MX2: variants seen among roughly 807,000 people sequenced by gnomAD.
MX2 encodes the protein MX dynamin like GTPase 2.
A neutral mutation model predicts 74.0 loss-of-function variants in MX2; 51 were observed. The ratio of observed to expected loss-of-function variants is 0.69; its 90% CI spans 0.55 to 0.87. The LOEUF (loss-of-function observed/expected upper bound fraction) is 0.87. MX2 is among the 40% of genes least tolerant of loss of function. The pLI is 0.00. For synonymous variants in MX2, 369 were observed against 339.3 expected (o/e 1.09, Z -0.96); for missense variants, 832 against 908.7 (o/e 0.92, Z 1.09).
At chr21:41,401,733 G>A (rs2089816971) in intron 10 of MX2, 1 of 430,892 alleles carries the variant, frequency 2.3e-6, no homozygotes, top group African/African-American at 2.0e-5. Context: ...CTCTCTTGGG[G>A]TGATGACTTT....
intron 5 of MX2, 132 bp downstream of exon 5, chr21:41,382,696 C>T: frequency 8.4e-7 from 1 of 1,195,392 alleles, no homozygotes; most frequent in Non-Finnish European, 1.2e-6. Context: ...AAGACCTGCC[C>T]AGGTGGGGGC....
At position 41,402,143 on chromosome 21, in the gene MX2, G is replaced by A; in HGVS notation, c.1573+15G>A. ...GAAAGCCATGGGTGAGGACTTTCAA[G>A]CAGGACTCCCAAACCATCACTCTCA... On this transcript the variant is annotated intron_variant, in intron 11 of 13. Coordinates refer to ENST00000330714, the MANE Select transcript of MX2 (RefSeq NM_002463.2). The surrounding 1 kb of genome is among the most constrained non-coding windows in gnomAD (Gnocchi z 4.5). 1.2e-6 allele frequency: 2 copies of A among 1,608,490 alleles called. No individual in the cohort carries two copies. Among genetic ancestry groups the A allele is most frequent in the South Asian group, 1.1e-5 (1 of 90,278 alleles).
Position 41,408,248 on chromosome 21 carries a change from T to C in MX2, c.*15T>C. ...AGATCCACTGAAGGGCGGCGATGCC[T>C]GTGGTTGTTTTCTTGTGCGTACTCA... On this transcript the variant is annotated 3_prime_UTR_variant, in exon 14 of 14. Coordinates refer to ENST00000330714, the MANE Select transcript of MX2 (RefSeq NM_002463.2). 6.2e-7 allele frequency: 1 copy of C among 1,612,492 alleles called. No individual in the cohort carries two copies. Among genetic ancestry groups the C allele is most frequent in the East Asian group, 2.2e-5 (1 of 44,838 alleles).
chr21:41,370,893 T>C (rs1180561185), intron 1 of MX2, among the ~76,000 whole-genome samples: 2 of 152,134 alleles, frequency 1.3e-5, no homozygotes, highest in Admixed American at 6.5e-5. Flanking sequence ...TGGAATTCAG[T>C]AGGGGAATGC....
rs981961755 is a variant in MX2 at position 41,380,337 on chromosome 21, CTCA to C, written c.577+189_577+191del. Reference sequence around the variant, plus strand: ...CTCCAGGTCCTTGTCCAGGTCCCCTCTCATCGAGTCATCCCATGCCGAGGACCC... The same window carrying C: ...CTCCAGGTCCTTGTCCAGGTCCCCTCTCGAGTCATCCCATGCCGAGGACCC... On this transcript the variant is annotated intron_variant, in intron 4 of 13. Transcript: ENST00000330714. This position sits in a 1 kb window ranked among gnomAD's most constrained non-coding sequence, Gnocchi z 4.3. 2.0e-5 allele frequency among the ~76,000 whole-genome samples: 3 copies of C among 152,168 alleles called. No homozygotes were observed. The highest frequency in any genetic ancestry group is 7.2e-5 in the African/African-American group (3 of 41,436).
intron 10 of MX2, 197 bp from the exon 11 acceptor site, chr21:41,401,772 AT>A (rs202024229): frequency 2.0e-4 from 104 of 523,160 alleles, no homozygotes; most frequent in African/African-American, 5.4e-4. Context: ...ATAGAATAAG[AT>A]TTTTTTCCCC....
At chr21:41,384,715 A>T (rs1388693175) in intron 5 of MX2, among the ~76,000 whole-genome samples, 1 of 152,058 alleles carries the variant, frequency 6.6e-6, no homozygotes, top group African/African-American at 2.4e-5. Context: ...CAAGTGTTTT[A>T]TAAAAATTAA....
intron 1 of MX2, among the ~76,000 whole-genome samples, chr21:41,375,139 G>A (rs549954075): frequency 3.3e-5 from 5 of 152,264 alleles, no homozygotes; most frequent in East Asian, 3.9e-4. Flanking sequence ...CCTCCAGTGG[G>A]CACCCAAGTT....
chr21:41,377,933 A>G lies in MX2; in HGVS notation c.394A>G (p.Ser132Gly), dbSNP rs767222350. 3 of 1,614,198 alleles carry G rather than the reference A, an allele frequency of 1.9e-6. No homozygotes were observed. Among genetic ancestry groups the G allele is most frequent in the Non-Finnish European group, 1.7e-6 (2 of 1,180,044 alleles). Residue 132 changes from serine (S) to glycine (G), a missense_variant, in exon 3 of 14, where the codon AGC becomes GGC. By Grantham distance (56) the Ser-to-Gly change is moderately conservative. Transcript: ENST00000330714. ...CATCGGGGACCAGAGCTCGGGCAAGAGCTCTGTGCTGGAGGCACTGTCAGG... is the reference window on the plus strand; with the variant it reads ...CATCGGGGACCAGAGCTCGGGCAAGGGCTCTGTGCTGGAGGCACTGTCAGG... ...AVIGDQSSGK[S>G]SVLEALSGVA... is the part of the protein sequence containing the mutation.
At chr21:41,406,702 GA>G in intron 12 of MX2, 41 bp from the exon 13 acceptor site, 3 of 1,582,974 alleles carry the variant, frequency 1.9e-6, no homozygotes, top group Non-Finnish European at 2.6e-6. Context: ...CAACAGGAAA[GA>G]AGAAAAAGAA....
chr21:41,369,670 G>C (rs1035933204), intron 1 of MX2, among the ~76,000 whole-genome samples: 3 of 152,108 alleles, frequency 2.0e-5, no homozygotes, highest in Non-Finnish European at 4.4e-5. Flanking sequence ...GGACTCTGGT[G>C]CCCCTGGGGC....
In MX2 at chr21:41,408,305, G is replaced by A. The variant is rs1158357073; in HGVS notation, c.*72G>A. On this transcript the variant is annotated 3_prime_UTR_variant, in exon 14 of 14. Transcript: ENST00000330714. ...CTAAGGGGAGTCGGTGCAGGATGCC[G>A]CTTCTGCTTTGGGGCCAAACTCTTC... 1.3e-5 allele frequency: 21 copies of A among 1,565,890 alleles called. No individual in the cohort carries two copies. Among genetic ancestry groups the A allele is most frequent in the Admixed American group, 5.4e-5 (3 of 55,800 alleles).
At position 41,409,353 on chromosome 21, in the gene MX2, A is replaced by G. The variant is rs1259023445; in HGVS notation, c.*1120A>G. ...CATGTTTTCCTGTATGTTTCAAATGATGAACATATAGATTCCTTAATAAAA... is the reference window on the plus strand; with the variant it reads ...CATGTTTTCCTGTATGTTTCAAATGGTGAACATATAGATTCCTTAATAAAA... On this transcript the variant is annotated 3_prime_UTR_variant, in exon 14 of 14. Coordinates refer to ENST00000330714, the MANE Select transcript of MX2 (RefSeq NM_002463.2). The G allele has an allele frequency of 2.6e-5, 4 of 152,224 alleles. No individual in the cohort carries two copies. Among genetic ancestry groups the G allele is most frequent in the Non-Finnish European group, 5.9e-5 (4 of 68,040 alleles). The allele number at this position is 152,224 out of a possible 1,614,324, so 9.4% of individuals were successfully genotyped here. A position where few individuals can be genotyped will look rare whatever the true frequency, so the allele number is the denominator to read the frequency against.
At chr21:41,397,746 T>C (rs1186209322) in intron 8 of MX2, 55 bp downstream of exon 8, 1 of 1,510,560 alleles carries the variant, frequency 6.6e-7, no homozygotes, top group East Asian at 2.3e-5. Context: ...CAAGTCACTC[T>C]CTTGGTCTGG....
chr21:41,362,473 T>C (rs770392049), intron 1 of MX2, among the ~76,000 whole-genome samples: 2 of 152,124 alleles, frequency 1.3e-5, no homozygotes, highest in African/African-American at 4.8e-5. Context: ...TGTGATGCTC[T>C]GACGTAACCT....
intron 5 of MX2, among the ~76,000 whole-genome samples, chr21:41,384,185 A>G (rs775035024): frequency 9.2e-5 from 14 of 152,148 alleles, no homozygotes; most frequent in Non-Finnish European, 1.5e-4. Context: ...GAGGTCTCCT[A>G]GCCATGCTTC....
chr21:41,407,772 G>A (rs1427324989), intron 13 of MX2, among the ~76,000 whole-genome samples: 1 of 152,208 alleles, frequency 6.6e-6, no homozygotes, highest in East Asian at 1.9e-4. Flanking sequence ...CTACCAGGGG[G>A]CTTCTTAGTG....
At chr21:41,374,557 G>C (rs1018504571) in intron 1 of MX2, among the ~76,000 whole-genome samples, 1 of 152,256 alleles carries the variant, frequency 6.6e-6, no homozygotes, top group Non-Finnish European at 1.5e-5. Context: ...ATGGAAGCAT[G>C]TCCATCTGAG....
chr21:41,406,216 G>A (rs2089884632), intron 12 of MX2, among the ~76,000 whole-genome samples: 1 of 152,184 alleles, frequency 6.6e-6, no homozygotes, highest in Non-Finnish European at 1.5e-5. Flanking sequence ...TCGAGCTCCT[G>A]ACCTCAAGTG....
Sources: allele counts gnomAD v4.1 joint callset (sites outside exome capture counted in the v4.1 genomes callset), GRCh38; gene constraint gnomAD v4.1.1; non-coding constraint Gnocchi (gnomAD v3.1); transcripts MANE v1.5; gene names NCBI Gene and HGNC (gene_info 2026-07-23, HGNC 2026-07-21).